The following ZMAT4 variants were observed in gnomAD, a reference collection of about 807,000 sequenced individuals.
ZMAT4 encodes zinc finger matrin-type 4.
ZMAT4 carries 17 observed loss-of-function variants against 28.7 expected under a neutral mutation model. The ratio of observed to expected loss-of-function variants is 0.59; its 90% CI spans 0.41 to 0.89. ZMAT4 has a LOEUF of 0.89. Ranked by LOEUF, ZMAT4 falls within the 40% of genes least tolerant of loss-of-function variation. ZMAT4 has a pLI of 0.00. For missense variants in ZMAT4, 240 were observed against 283.8 expected (o/e 0.85, Z 1.11); for synonymous variants, 117 against 109.2 (o/e 1.07, Z -0.44).
intron 4 of ZMAT4, among the ~76,000 whole-genome samples, chr8:40,680,500 G>A (rs1436141649): frequency 1.3e-5 from 2 of 152,010 alleles, no homozygotes; most frequent in African/African-American, 4.8e-5. Context: ...CAAGATCCAC[G>A]GACAGATCTC....
At chr8:40,815,439 G>A (rs1815492046) in intron 2 of ZMAT4, among the ~76,000 whole-genome samples, 1 of 152,174 alleles carries the variant, frequency 6.6e-6, no homozygotes, top group South Asian at 2.1e-4. Flanking sequence ...ACACTGAGCT[G>A]CCACTCAAAA....
At chr8:40,857,010 T>A (rs1817322739) in intron 1 of ZMAT4, among the ~76,000 whole-genome samples, 1 of 152,092 alleles carries the variant, frequency 6.6e-6, no homozygotes, top group South Asian at 2.1e-4. Context: ...GGTTTGAAAA[T>A]CCTGCTATTG....
chr8:40,595,607 T>C (rs1023034728), intron 5 of ZMAT4, among the ~76,000 whole-genome samples: 1 of 152,164 alleles, frequency 6.6e-6, no homozygotes, highest in Non-Finnish European at 1.5e-5. Context: ...TATTATGCAA[T>C]GGTAAGTATT....
chr8:40,868,303 G>A (rs972855951), intron 1 of ZMAT4, among the ~76,000 whole-genome samples: 3 of 152,138 alleles, frequency 2.0e-5, no homozygotes, highest in African/African-American at 7.2e-5. Flanking sequence ...ACAGCAGCTT[G>A]GAAACCTACA....
intron 6 of ZMAT4, among the ~76,000 whole-genome samples, chr8:40,564,987 A>C (rs1803865939): frequency 6.6e-6 from 1 of 152,174 alleles, no homozygotes; most frequent in African/African-American, 2.4e-5. Context: ...TTATCTGTAC[A>C]CTGTCTTATT....
intron 5 of ZMAT4, among the ~76,000 whole-genome samples, chr8:40,588,322 A>G (rs919556227): frequency 1.3e-5 from 2 of 152,078 alleles, no homozygotes; most frequent in African/African-American, 4.8e-5. Flanking sequence ...AGAGACCATT[A>G]GGAAAACAAA....
chr8:40,795,101 G>C (rs1814531692), intron 2 of ZMAT4, among the ~76,000 whole-genome samples: 2 of 152,060 alleles, frequency 1.3e-5, no homozygotes, highest in South Asian at 2.1e-4. Context: ...CTATGATCCT[G>C]GCATTATGGT....
intron 6 of ZMAT4, among the ~76,000 whole-genome samples, chr8:40,558,559 T>C (rs1803623429): frequency 6.6e-6 from 1 of 152,010 alleles, no homozygotes; most frequent in African/African-American, 2.4e-5. Context: ...GATTTCTGCC[T>C]TGAGAAACTG....
intron 1 of ZMAT4, among the ~76,000 whole-genome samples, chr8:40,875,939 G>GGCCTTGAAAAT (rs1377865415): frequency 6.6e-6 from 1 of 152,170 alleles, no homozygotes; most frequent in Non-Finnish European, 1.5e-5. Context: ...GATATGTCAT[G>GGCCTTGAAAAT]GCCTTGAAAA....
intron 3 of ZMAT4, among the ~76,000 whole-genome samples, chr8:40,743,675 T>C (rs1294479578): frequency 6.6e-6 from 1 of 152,076 alleles, no homozygotes; most frequent in East Asian, 1.9e-4. Flanking sequence ...GACACACACA[T>C]ACACCGCAAA....
chr8:40,771,921 T>G (rs1450084737), intron 2 of ZMAT4, among the ~76,000 whole-genome samples: 1 of 152,174 alleles, frequency 6.6e-6, no homozygotes, highest in Non-Finnish European at 1.5e-5. Flanking sequence ...TTCCACTGCT[T>G]TTAAGAGTCT....
chr8:40,848,647 A>G (rs548016782), intron 1 of ZMAT4, among the ~76,000 whole-genome samples: 13 of 152,290 alleles, frequency 8.5e-5, no homozygotes, highest in African/African-American at 3.1e-4. Context: ...AAACAGGGAT[A>G]ATAATAACCA....
intron 5 of ZMAT4, among the ~76,000 whole-genome samples, chr8:40,582,108 G>A (rs912398173): frequency 6.6e-6 from 1 of 152,150 alleles, no homozygotes; most frequent in African/African-American, 2.4e-5. Context: ...TCTGACTCCG[G>A]TCATTTCTAG....
chr8:40,815,973 C>T lies in ZMAT4; in HGVS notation c.102+9602G>A, dbSNP rs182458920. 1.5e-3 allele frequency among the ~76,000 whole-genome samples: 231 copies of T among 152,100 alleles called. 1 individual carries two copies. Among genetic ancestry groups the T allele is most frequent in the African/African-American group, 5.0e-3 (207 of 41,494 alleles). On this transcript the variant is annotated intron_variant, in intron 2 of 6. Transcript: ENST00000297737. ...CTCCCTTTGGGAATCACAGTCTTTCCTCTCCTTCTCTTTCTTTTTCACCCC... is the reference window on the plus strand; with the variant it reads ...CTCCCTTTGGGAATCACAGTCTTTCTTCTCCTTCTCTTTCTTTTTCACCCC...
At chr8:40,553,071 A>G (rs1803414941) in intron 6 of ZMAT4, among the ~76,000 whole-genome samples, 2 of 152,174 alleles carry the variant, frequency 1.3e-5, no homozygotes, top group Non-Finnish European at 2.9e-5. Flanking sequence ...CTTTGGAGAT[A>G]TGGTCATAAA....
At chr8:40,823,635 G>C (rs1815910638) in intron 2 of ZMAT4, among the ~76,000 whole-genome samples, 1 of 151,912 alleles carries the variant, frequency 6.6e-6, no homozygotes, top group Non-Finnish European at 1.5e-5. Flanking sequence ...CTCCAGCCTG[G>C]GTGACAGAGT....
intron 5 of ZMAT4, among the ~76,000 whole-genome samples, chr8:40,653,058 A>T (rs12216791): frequency 0.42 from 63,762 of 151,778 alleles, 13,812 homozygotes; most frequent in African/African-American, 0.52. Flanking sequence ...CAATGTGCAC[A>T]TGTACACTAA....
chr8:40,812,190 C>G (rs1815347203), intron 2 of ZMAT4, among the ~76,000 whole-genome samples: 1 of 152,048 alleles, frequency 6.6e-6, no homozygotes, highest in Non-Finnish European at 1.5e-5. Flanking sequence ...GATATCCTCC[C>G]AAAGAGTACA....
chr8:40,812,517 CA>C (rs1815360312), intron 2 of ZMAT4, among the ~76,000 whole-genome samples: 1 of 152,222 alleles, frequency 6.6e-6, no homozygotes, highest in African/African-American at 2.4e-5. Context: ...TAGTCTAGAG[CA>C]GCCTACAGAG....
Sources: gnomAD v4.1 joint callset for allele counts (sites outside exome capture counted in the v4.1 genomes callset) on GRCh38, gnomAD v4.1.1 for gene constraint, MANE v1.5 for transcripts, NCBI Gene and HGNC (gene_info 2026-07-23, HGNC 2026-07-21) for gene names.